CDH12: variants seen among roughly 807,000 people sequenced by gnomAD.
CDH12 encodes cadherin-12.
A neutral mutation model predicts 74.1 loss-of-function variants in CDH12; 41 were observed. That is an observed-to-expected ratio of 0.55 (90% confidence interval 0.43 to 0.72). The LOEUF (loss-of-function observed/expected upper bound fraction) is 0.72, where lower values mean the gene tolerates loss of function less well. CDH12 is among the 30% of genes least tolerant of loss of function. The pLI is 0.00. For synonymous variants in CDH12, 399 were observed against 355.0 expected, an observed-to-expected ratio of 1.12 and a Z score of -1.39; for missense variants, 945 against 977.2, an observed-to-expected ratio of 0.97 and a Z score of 0.44.
intron 1 of CDH12, among the ~76,000 whole-genome samples, chr5:22,707,391 C>A (rs1743068982): frequency 6.6e-6 from 1 of 152,124 alleles, no homozygotes; most frequent in Non-Finnish European, 1.5e-5. Flanking sequence ...ACTATGATTT[C>A]ACCCTTATTT....
Position 21,760,533 on chromosome 5 carries a change from T to C in CDH12, c.1633+25A>G, listed in dbSNP as rs758334069. The C allele has an allele frequency of 6.2e-6, 7 of 1,136,992 alleles. No individual in the cohort carries two copies. In the African/African-American group the frequency reaches 1.1e-4, roughly 17 times the overall value. The allele number at this position is 1,136,992 out of a possible 1,614,324, so 70.4% of individuals were successfully genotyped here. On this transcript the variant is annotated intron_variant, in intron 13 of 14. Coordinates refer to ENST00000382254, the MANE Select transcript of CDH12 (RefSeq NM_004061.5). Reference sequence around the variant, plus strand: ...TTTTACAAAGATACATGATAAGAGGTAAATTTTTCTGTAGTTACACTTACT... The same window carrying C: ...TTTTACAAAGATACATGATAAGAGGCAAATTTTTCTGTAGTTACACTTACT...
At chr5:22,278,725 G>A (rs1469505028) in intron 3 of CDH12, among the ~76,000 whole-genome samples, 1 of 152,024 alleles carries the variant, frequency 6.6e-6, no homozygotes, top group Admixed American at 6.6e-5. Flanking sequence ...GATGGATTAT[G>A]TCACATTTAG....
At chr5:21,973,619 T>C (rs953454537) in intron 6 of CDH12, among the ~76,000 whole-genome samples, 2 of 152,156 alleles carry the variant, frequency 1.3e-5, no homozygotes, top group African/African-American at 2.4e-5. Flanking sequence ...AGGAAGCTGT[T>C]TTGGTACTAA....
chr5:22,687,124 T>A (rs1341127322), intron 1 of CDH12, among the ~76,000 whole-genome samples: 1 of 152,000 alleles, frequency 6.6e-6, no homozygotes, highest in Non-Finnish European at 1.5e-5. Context: ...TGAAACCCCG[T>A]CTGTACTAAA....
intron 3 of CDH12, among the ~76,000 whole-genome samples, chr5:22,283,247 T>TATATATATATAG (rs1561281703): frequency 2.6e-5 from 3 of 115,510 alleles, no homozygotes; most frequent in African/African-American, 1.0e-4. Flanking sequence ...TATATATATA[T>TATATATATATAG]ATATACACAC....
intron 5 of CDH12, among the ~76,000 whole-genome samples, chr5:21,996,660 T>C (rs545955951): frequency 8.2e-4 from 125 of 152,310 alleles, no homozygotes; most frequent in Non-Finnish European, 1.2e-3. Flanking sequence ...GGCCTTTTAA[T>C]GTTTCATAAA....
intron 14 of CDH12, among the ~76,000 whole-genome samples, chr5:21,753,973 T>C (rs116077274): frequency 6.6e-6 from 1 of 152,070 alleles, no homozygotes; most frequent in Non-Finnish European, 1.5e-5. Flanking sequence ...GTAAACTATG[T>C]GTGTGTTCAA....
At chr5:22,597,750 AT>A (rs1421090535) in intron 1 of CDH12, among the ~76,000 whole-genome samples, 2 of 152,216 alleles carry the variant, frequency 1.3e-5, no homozygotes, top group African/African-American at 2.4e-5. Flanking sequence ...GAGTAAAAAA[AT>A]GTATGAATGC....
rs74659512 is a variant in CDH12 at position 22,807,283 on chromosome 5, A to G, written c.-523+45775T>C. ...TCAGTGATTATCTTTCAAGGATATG[A>G]TGATAGATGGCATTTATATATTTTA... On this transcript the variant is annotated intron_variant, in intron 1 of 14. Transcript: ENST00000382254. Among the ~76,000 whole-genome samples the G allele has an allele frequency of 8.3e-3, 1,270 of 152,344 alleles. 16 individuals carry two copies. The highest frequency in any genetic ancestry group is 0.011 in the Non-Finnish European group (744 of 68,024).
chr5:22,051,957 T>C (rs1015239933), intron 5 of CDH12, among the ~76,000 whole-genome samples: 9 of 152,184 alleles, frequency 5.9e-5, no homozygotes, highest in Non-Finnish European at 1.2e-4. Flanking sequence ...ATTTCCTTCA[T>C]AATTTCCAAG....
At chr5:22,585,020 T>A (rs893414179) in intron 1 of CDH12, among the ~76,000 whole-genome samples, 2 of 152,258 alleles carry the variant, frequency 1.3e-5, no homozygotes, top group Non-Finnish European at 2.9e-5. Flanking sequence ...GTTACATTTA[T>A]CACTCACTTC....
At chr5:22,583,087 G>A (rs985627926) in intron 1 of CDH12, among the ~76,000 whole-genome samples, 11 of 152,144 alleles carry the variant, frequency 7.2e-5, no homozygotes, top group African/African-American at 2.7e-4. Flanking sequence ...TCTACACAGA[G>A]TACCAACAGC....
intron 1 of CDH12, among the ~76,000 whole-genome samples, chr5:22,696,957 A>G (rs1238872430): frequency 6.6e-6 from 1 of 152,166 alleles, no homozygotes; most frequent in Non-Finnish European, 1.5e-5. Context: ...TCAAGAAAAA[A>G]AAAAAATCTT....
chr5:22,528,176 TCTTACATG>T (rs1169231637), intron 1 of CDH12, among the ~76,000 whole-genome samples: 2 of 152,176 alleles, frequency 1.3e-5, no homozygotes, highest in Non-Finnish European at 2.9e-5. Flanking sequence ...ATCACCTTTG[TCTTACATG>T]ACAACTGCTT....
chr5:22,037,658 G>A (rs1739283318), intron 5 of CDH12, among the ~76,000 whole-genome samples: 2 of 152,148 alleles, frequency 1.3e-5, no homozygotes, highest in Admixed American at 1.3e-4. Context: ...AATGAACCCA[G>A]CTAACTCACC....
intron 3 of CDH12, among the ~76,000 whole-genome samples, chr5:22,328,714 T>C (rs931789058): frequency 1.3e-5 from 2 of 152,154 alleles, no homozygotes; most frequent in African/African-American, 4.8e-5. Flanking sequence ...TTTGAATAGC[T>C]ACATCTGGCA....
intron 1 of CDH12, among the ~76,000 whole-genome samples, chr5:22,642,165 T>A (rs1245135454): frequency 1.3e-5 from 2 of 152,358 alleles, no homozygotes; most frequent in South Asian, 4.1e-4. Flanking sequence ...ACAGAAGTGA[T>A]CATTTGTAGT....
chr5:22,361,238 G>T (rs565476264), intron 3 of CDH12, among the ~76,000 whole-genome samples: 1 of 152,188 alleles, frequency 6.6e-6, no homozygotes, highest in East Asian at 1.9e-4. Flanking sequence ...AAAGTCTCAG[G>T]ATACAAAATC....
chr5:22,492,635 C>G (rs1746928520), intron 2 of CDH12, among the ~76,000 whole-genome samples: 1 of 152,152 alleles, frequency 6.6e-6, no homozygotes, highest in South Asian at 2.1e-4. Context: ...GAGTGAGCCA[C>G]AGCATCCAGC....
Sources: gnomAD v4.1 joint callset for allele counts (sites outside exome capture counted in the v4.1 genomes callset) on GRCh38, gnomAD v4.1.1 for gene constraint, MANE v1.5 for transcripts, NCBI Gene and HGNC (gene_info 2026-07-23, HGNC 2026-07-21) for gene names.